Variants in SBNO2 observed in about 807,000 individuals in gnomAD.
SBNO2 encodes the protein strawberry notch homolog 2, also known as protein strawberry notch homolog 2.
In SBNO2, 89 loss-of-function variants were observed where a neutral mutation model predicts 146.3. That is an observed-to-expected ratio of 0.61 (90% CI 0.51 to 0.73). The LOEUF (loss-of-function observed/expected upper bound fraction) is 0.73, where lower values mean the gene tolerates loss of function less well. SBNO2 is among the 30% of genes least tolerant of loss of function. The pLI, the probability that SBNO2 is intolerant of heterozygous loss-of-function variation, is 0.00. For missense variants in SBNO2, 2,092 were observed against 2,003.7 expected (o/e 1.04, Z -0.84); for synonymous variants, 1,147 against 892.6 (o/e 1.29, Z -5.08).
At chr19:1,128,409 T>C (rs1382172646) in intron 4 of SBNO2, 1 of 291,968 alleles carries the variant, frequency 3.4e-6, no homozygotes, top group African/African-American at 2.3e-5. Flanking sequence ...TTTTTTTTTT[T>C]TGAGACGGAT....
chr19:1,128,427 CTG>C (rs1261982578), intron 4 of SBNO2: 1 of 286,414 alleles, frequency 3.5e-6, no homozygotes, highest in Admixed American at 5.3e-5. Flanking sequence ...GATTCTTACA[CTG>C]TCGCCCGGGC....
intron 3 of SBNO2, among the ~76,000 whole-genome samples, chr19:1,147,794 T>C (rs1037486908): frequency 6.6e-6 from 1 of 151,850 alleles, no homozygotes; most frequent in Non-Finnish European, 1.5e-5. Flanking sequence ...CACAGGCCCC[T>C]TGACCCACAC....
intron 1 of SBNO2, among the ~76,000 whole-genome samples, chr19:1,156,175 G>A (rs976280236): frequency 2.0e-5 from 3 of 152,214 alleles, no homozygotes; most frequent in African/African-American, 7.2e-5. Flanking sequence ...AGGCCAGCAC[G>A]GTGCTCCTGG....
chr19:1,114,391 G>C lies in SBNO2; in HGVS notation c.1917C>G (p.Pro639=). The change falls in exon 18 of 32, where the codon CCC becomes CCG. Residue 639 remains proline (P), a synonymous_variant. Transcript: ENST00000361757. ...RRPRGRGAKA[P]RLACETAGVI... The stretch of plus-strand genomic sequence containing the variant: ...CGCCCGCTGTCTCGCACGCCAGCCG[G>C]GGGGCTTTGGCCCCGCGTCCCCGAG... 6.5e-7 allele frequency: 1 copy of C among 1,549,862 alleles called. No individual in the cohort carries two copies. Among genetic ancestry groups the C allele is most frequent in the Non-Finnish European group, 8.7e-7 (1 of 1,146,386 alleles).
In SBNO2 at chr19:1,150,856, C is replaced by T. The variant is rs1022267084; in HGVS notation, c.94-1414G>A. ...GCTGGGTGGGGGATTCCAGGACCCC[C>T]GACAGCCTCGAGATAGGCAAAGCCC... On this transcript the variant is annotated intron_variant, in intron 2 of 31. Transcript: ENST00000361757. This position sits in a 1 kb window ranked among gnomAD's most constrained non-coding sequence, Gnocchi z 6.2. Among the ~76,000 whole-genome samples the T allele has an allele frequency of 6.6e-6, 1 of 152,194 alleles. No homozygotes were observed. The highest frequency in any genetic ancestry group is 1.5e-5 in the Non-Finnish European group (1 of 68,016).
At chr19:1,111,249 G>C (rs2079755969) in intron 24 of SBNO2, among the ~76,000 whole-genome samples, 156 bp from the exon 25 acceptor site, 1 of 152,170 alleles carries the variant, frequency 6.6e-6, no homozygotes, top group Non-Finnish European at 1.5e-5. Flanking sequence ...CCTTTTGCCT[G>C]ACTTACAGGA....
At chr19:1,127,581 C>G (rs1484798677) in intron 5 of SBNO2, 23 bp downstream of exon 5, 1 of 1,607,162 alleles carries the variant, frequency 6.2e-7, no homozygotes. Context: ...TCGGGGCTGG[C>G]TGGGGGCACC....
In SBNO2 at chr19:1,109,154, G is replaced by A; in HGVS notation, c.3406C>T (p.His1136Tyr). Residue 1136 changes from histidine to tyrosine, a missense_variant, in exon 30 of 32, where the codon CAC becomes TAC. His to Tyr is a moderately conservative substitution (Grantham distance 83). Transcript: ENST00000361757. The surrounding 1 kb of genome is among the most constrained non-coding windows in gnomAD (Gnocchi z 4.2). ...WESGYALSLT[H>Y]CSHSAWNRHC... ...CCTCACCAGGCGCTGTGGCTGCAGT[G>A]CGTCAGCGACAAAGCGTAGCCACTC... 6.4e-7 allele frequency: 1 copy of A among 1,555,434 alleles called. No homozygotes were observed. The highest frequency in any genetic ancestry group is 8.7e-7 in the Non-Finnish European group (1 of 1,150,230).
At chr19:1,147,896 G>C (rs1370161090) in intron 3 of SBNO2, among the ~76,000 whole-genome samples, 1 of 152,160 alleles carries the variant, frequency 6.6e-6, no homozygotes, top group Admixed American at 6.5e-5. Context: ...CCCCCGCCCT[G>C]TCACCCTGAG....
At chr19:1,165,336 C>G (rs928376267) in intron 1 of SBNO2, among the ~76,000 whole-genome samples, 64 of 152,138 alleles carry the variant, frequency 4.2e-4, no homozygotes, top group African/African-American at 1.5e-3. Flanking sequence ...CAAGCCAACC[C>G]CGAAAGTGGA....
At chr19:1,138,168 G>A in intron 4 of SBNO2, among the ~76,000 whole-genome samples, 1 of 89,756 alleles carries the variant, frequency 1.1e-5, no homozygotes, top group Non-Finnish European at 2.4e-5. Context: ...CAGGCTGGGG[G>A]GAGGCTCGGG....
intron 4 of SBNO2, among the ~76,000 whole-genome samples, chr19:1,138,415 C>A (rs931187174): frequency 2.6e-5 from 4 of 151,908 alleles, no homozygotes; most frequent in Non-Finnish European, 5.9e-5. Context: ...CCCAACACCC[C>A]CCAGCCAGAC....
chr19:1,164,387 CAGGAGGAGGAGGAGGAGG>C (rs1163081216), intron 1 of SBNO2, among the ~76,000 whole-genome samples: 3 of 56,066 alleles, frequency 5.4e-5, no homozygotes, highest in Non-Finnish European at 6.8e-5. Flanking sequence ...GCAGTGGAGA[CAGGAGGAGGAGGAGGAGG>C]AGGAGGAGGA....
chr19:1,110,767 G>C lies in SBNO2; in HGVS notation c.3006C>G (p.Gly1002=), dbSNP rs1360175261. Residue 1002 remains glycine (G), a synonymous_variant, in exon 26 of 32, where the codon GGC becomes GGG. Transcript: ENST00000361757. The surrounding 1 kb of genome is among the most constrained non-coding windows in gnomAD (Gnocchi z 4.9). ...CACCCAGGATGCCCATGTCGTATTTGCCCTCCCGCTTGTCCATCTCGATGA... is the reference window on the plus strand; with the variant it reads ...CACCCAGGATGCCCATGTCGTATTTCCCCTCCCGCTTGTCCATCTCGATGA... The part of the protein sequence containing the change: ...DHLIEMDKRE[G]KYDMGILDLA... The C allele has an allele frequency of 6.2e-7, 1 of 1,612,528 alleles. No individual in the cohort carries two copies. The highest frequency in any genetic ancestry group is 1.7e-5 in the Admixed American group (1 of 59,948).
intron 16 of SBNO2, 79 bp from the exon 17 acceptor site, chr19:1,116,182 C>T: frequency 7.6e-7 from 1 of 1,322,744 alleles, no homozygotes; most frequent in Non-Finnish European, 1.1e-6. Flanking sequence ...CTGGACGCAC[C>T]CCTGGGTCCC....
Position 1,111,620 on chromosome 19 carries a change from G to A in SBNO2, c.2701-6C>T, listed in dbSNP as rs1255574300. On this transcript the variant is annotated splice_region_variant and splice_polypyrimidine_tract_variant and intron_variant, in intron 23 of 31. Transcript: ENST00000361757. The stretch of plus-strand genomic sequence containing the variant: ...TGCAGGGCCCGGGTGCCATACTAGG[G>A]GGAGAAGGTGACTCGGGGAGGAGGC... 1.3e-6 allele frequency: 2 copies of A among 1,571,690 alleles called. No individual in the cohort carries two copies. Among genetic ancestry groups the A allele is most frequent in the South Asian group, 1.2e-5 (1 of 85,618 alleles).
Position 1,112,208 on chromosome 19 carries a change from G to A in SBNO2, c.2609C>T (p.Ala870Val). 1 of 1,589,686 alleles carries A rather than the reference G, an allele frequency of 6.3e-7. No homozygotes were observed. Among genetic ancestry groups the A allele is most frequent in the Non-Finnish European group, 8.6e-7 (1 of 1,168,194 alleles). ...AGERRFASIV[A>V]KRLESLGALT... ...GCTCACCAGACTCTCCAGGCGCTTG[G>A]CCACGATGGAGGCGAACCGGCGCTC... The change falls in exon 22 of 32, where the codon GCC (alanine) becomes GTC (valine). Residue 870 changes from alanine (A) to valine (V), a missense_variant. Transcript: ENST00000361757. This position sits in a 1 kb window ranked among gnomAD's most constrained non-coding sequence, Gnocchi z 5.9.
chr19:1,111,533 G>A lies in SBNO2; in HGVS notation c.2782C>T (p.Pro928Ser), dbSNP rs1248484763. ...ENKVPVPQGY[P>S]GGVPTFFRDM... The stretch of plus-strand genomic sequence containing the variant: ...CGGAAGAAGGTGGGGACCCCTCCAG[G>A]GTATCCCTGGGGCACAGGCACTTTG... The change falls in exon 24 of 32, where the codon CCT becomes TCT. Residue 928 changes from proline to serine, a missense_variant. Physicochemically the swap from Pro to Ser is moderately conservative, Grantham distance 74. Transcript: ENST00000361757. 12 of 1,590,686 alleles carry A rather than the reference G, an allele frequency of 7.5e-6. No individual in the cohort carries two copies. Among genetic ancestry groups the A allele is most frequent in the African/African-American group, 6.7e-5 (5 of 74,512 alleles).
chr19:1,139,998 G>A lies in SBNO2; in HGVS notation c.279+7311C>T, dbSNP rs188265677. The stretch of plus-strand genomic sequence containing the variant: ...AAAACAGAGACAGAAAAGAAAGAAA[G>A]AAAATAAAGAAGAAATGCAGGCCGG... On this transcript the variant is annotated intron_variant, in intron 4 of 31. Transcript: ENST00000361757. Among the ~76,000 whole-genome samples, 1,219 of 149,268 alleles carry A rather than the reference G, an allele frequency of 8.2e-3. 8 individuals carry two copies. Among genetic ancestry groups the A allele is most frequent in the Non-Finnish European group, 0.011 (747 of 67,276 alleles).
Sources: allele counts gnomAD v4.1 joint callset (sites outside exome capture counted in the v4.1 genomes callset), GRCh38; gene constraint gnomAD v4.1.1; non-coding constraint Gnocchi (gnomAD v3.1); transcripts MANE v1.5; gene names NCBI Gene and HGNC (gene_info 2026-07-23, HGNC 2026-07-21).